CNTN6: variants seen among roughly 807,000 people sequenced by gnomAD.
The protein encoded by CNTN6 is contactin-6.
A neutral mutation model predicts 122.8 loss-of-function variants in CNTN6; 137 were observed. That is an observed-to-expected ratio of 1.12 (90% CI 0.97 to 1.29). The LOEUF (loss-of-function observed/expected upper bound fraction) is 1.29, where lower values mean the gene tolerates loss of function less well. Ranked by LOEUF, CNTN6 falls within the 50% of genes most tolerant of loss-of-function variation. The pLI, the probability that CNTN6 is intolerant of heterozygous loss-of-function variation, is 0.00. For missense variants in CNTN6, 1,634 were observed against 1,223.4 expected, an observed-to-expected ratio of 1.34 and a Z score of -5.01; for synonymous variants, 570 against 426.0, an observed-to-expected ratio of 1.34 and a Z score of -4.16.
At chr3:1,245,322 AT>A (rs1284006486) in intron 4 of CNTN6, among the ~76,000 whole-genome samples, 1 of 53,604 alleles carries the variant, frequency 1.9e-5, no homozygotes, top group African/African-American at 8.8e-5. Context: ...ATATATATAT[AT>A]ATATATATAT....
intron 7 of CNTN6, among the ~76,000 whole-genome samples, chr3:1,298,671 A>G (rs1206520362): frequency 1.3e-5 from 2 of 152,138 alleles, no homozygotes; most frequent in Non-Finnish European, 2.9e-5. Context: ...AAAGAAGGAG[A>G]CAGATAGACT....
chr3:1,318,151 C>G (rs1700368339), intron 7 of CNTN6, among the ~76,000 whole-genome samples: 1 of 151,474 alleles, frequency 6.6e-6, no homozygotes, highest in Non-Finnish European at 1.5e-5. Context: ...AAAGAAAATT[C>G]TAGAGGAGTT....
intron 11 of CNTN6, among the ~76,000 whole-genome samples, chr3:1,349,709 T>TA (rs1329662722): frequency 4.0e-5 from 6 of 151,736 alleles, no homozygotes; most frequent in Non-Finnish European, 8.8e-5. Context: ...TTAGATATGT[T>TA]AAAAAACTGG....
intron 1 of CNTN6, among the ~76,000 whole-genome samples, chr3:1,118,441 A>G (rs1204287828): frequency 6.6e-6 from 1 of 152,182 alleles, no homozygotes; most frequent in African/African-American, 2.4e-5. Flanking sequence ...AATGAAGAAA[A>G]TAATGCTGTC....
At position 1,325,937 on chromosome 3, in the gene CNTN6, C is replaced by T. The variant is rs749841767; in HGVS notation, c.1069C>T (p.Arg357Ter). 1.9e-5 allele frequency: 31 copies of T among 1,610,530 alleles called. No homozygotes were observed. Among genetic ancestry groups the T allele is most frequent in the South Asian group, 3.3e-5 (3 of 90,862 alleles). Residue 357 changes from arginine to a stop codon, truncating the protein, a stop_gained, in exon 9 of 23, where the codon CGA becomes TGA. Coordinates refer to ENST00000446702, the MANE Select transcript of CNTN6 (RefSeq NM_001289080.2). LOFTEE classifies it high-confidence loss of function. ...GTATACATGGTTAAAAAATGGTGAA[C>T]GACTCAACCCAGAGGTAAGCAACTA... ...PWYTWLKNGE[R>*]LNPEERIQIE...
chr3:1,276,347 T>C (rs2125779991), intron 4 of CNTN6, among the ~76,000 whole-genome samples: 1 of 152,342 alleles, frequency 6.6e-6, no homozygotes, highest in African/African-American at 2.4e-5. Flanking sequence ...AGTCAAACCA[T>C]TTAGATTTGA....
chr3:1,282,726 G>A (rs1007964271), intron 5 of CNTN6, among the ~76,000 whole-genome samples: 1 of 152,016 alleles, frequency 6.6e-6, no homozygotes, highest in Non-Finnish European at 1.5e-5. Context: ...CCTCCTAAAC[G>A]CTCTCTCACT....
At chr3:1,158,929 T>C (rs914459254) in intron 2 of CNTN6, among the ~76,000 whole-genome samples, 36 of 106,240 alleles carry the variant, frequency 3.4e-4, no homozygotes, top group East Asian at 1.6e-3. Context: ...CATATATATA[T>C]ATACACACAC....
intron 2 of CNTN6, among the ~76,000 whole-genome samples, chr3:1,217,263 C>T (rs2094142149): frequency 6.6e-6 from 1 of 152,068 alleles, no homozygotes; most frequent in African/African-American, 2.4e-5. Context: ...TTCTCTAGTG[C>T]TGTGGTTGGT....
chr3:1,401,352 T>A, intron 20 of CNTN6, 81 bp from the exon 21 acceptor site: 1 of 1,110,294 alleles, frequency 9.0e-7, no homozygotes, highest in Non-Finnish European at 1.3e-6. Context: ...GAAGACTTAT[T>A]TTTTCTTTTC....
intron 4 of CNTN6, among the ~76,000 whole-genome samples, chr3:1,264,255 G>C (rs533659132): frequency 6.6e-6 from 1 of 152,212 alleles, no homozygotes; most frequent in Admixed American, 6.5e-5. Context: ...ACATTTTGTG[G>C]AAAGGCGCTG....
rs187069486 is a variant in CNTN6 at position 1,361,951 on chromosome 3, A to G, written c.1492+9500A>G. Among the ~76,000 whole-genome samples the G allele has an allele frequency of 4.5e-3, 690 of 152,252 alleles. 2 individuals are homozygous for G. The highest frequency in any genetic ancestry group is 7.1e-3 in the Non-Finnish European group (480 of 68,008). ...AGAAACCAATCAGAAAGTAGAAAAC[A>G]TCTCAGCAGAAATTTTGGTAGACTT... is the stretch of plus-strand genomic sequence containing the variant. On this transcript the variant is annotated intron_variant, in intron 12 of 22. Transcript: ENST00000446702.
intron 12 of CNTN6, among the ~76,000 whole-genome samples, chr3:1,365,586 G>A (rs576360671): frequency 6.6e-6 from 1 of 152,084 alleles, no homozygotes; most frequent in East Asian, 1.9e-4. Context: ...AACACTGTAT[G>A]TATCAAGAAA....
At chr3:1,233,667 A>G (rs6772445) in intron 4 of CNTN6, among the ~76,000 whole-genome samples, 15,226 of 144,878 alleles carry the variant, frequency 0.11, 891 homozygotes, top group Middle Eastern at 0.16. Flanking sequence ...CCCGGGAGGC[A>G]GAGGTTGCAG....
chr3:1,261,300 T>G (rs2094842679), intron 4 of CNTN6, among the ~76,000 whole-genome samples: 1 of 151,726 alleles, frequency 6.6e-6, no homozygotes, highest in African/African-American at 2.4e-5. Context: ...GGTGAAGGAG[T>G]AGGTAAATAG....
intron 11 of CNTN6, among the ~76,000 whole-genome samples, chr3:1,345,978 C>T (rs1366370558): frequency 6.6e-6 from 1 of 151,570 alleles, no homozygotes; most frequent in Non-Finnish European, 1.5e-5. Context: ...TGCCCGATGA[C>T]CTGATTTTTT....
In CNTN6 at chr3:1,341,887, G is replaced by A. The variant is rs148827000; in HGVS notation, c.1365-10437G>A. ...AAAAGTAGAAACGGGCACCAGTAAC[G>A]TTCTCATTTAAATTAAAATGTATTT... On this transcript the variant is annotated intron_variant, in intron 11 of 22. Coordinates refer to ENST00000446702, the MANE Select transcript of CNTN6 (RefSeq NM_001289080.2). Among the ~76,000 whole-genome samples the A allele has an allele frequency of 1.5e-3, 233 of 152,146 alleles. 1 individual carries two copies. The highest frequency in any genetic ancestry group is 5.3e-3 in the African/African-American group (220 of 41,526).
intron 1 of CNTN6, among the ~76,000 whole-genome samples, chr3:1,133,895 C>T (rs1443983975): frequency 2.0e-5 from 3 of 152,200 alleles, no homozygotes; most frequent in African/African-American, 7.2e-5. Flanking sequence ...AAGGCAGTAT[C>T]TGGAGCAACA....
intron 4 of CNTN6, among the ~76,000 whole-genome samples, chr3:1,244,740 G>C (rs1466526908): frequency 5.9e-5 from 9 of 152,062 alleles, no homozygotes; most frequent in Admixed American, 3.3e-4. Flanking sequence ...AGGGAGATAG[G>C]GGTGGGGCTG....
Sources: allele counts gnomAD v4.1 joint callset (sites outside exome capture counted in the v4.1 genomes callset), GRCh38; gene constraint gnomAD v4.1.1; transcripts MANE v1.5; gene names NCBI Gene and HGNC (gene_info 2026-07-23, HGNC 2026-07-21).